The following BABAM2 variants were observed in gnomAD, a reference collection of about 807,000 sequenced individuals.
The protein encoded by BABAM2 is BRISC and BRCA1-A complex member 2.
BABAM2 carries 31 observed loss-of-function variants against 54.7 expected under a neutral mutation model. The ratio of observed to expected loss-of-function variants is 0.57; its 90% CI spans 0.43 to 0.77. BABAM2 has a LOEUF of 0.77. BABAM2 is among the 30% of genes least tolerant of loss of function. The probability of loss-of-function intolerance (pLI) is 0.00; values close to 1 mark genes in which losing one functional copy is unlikely to be tolerated. For synonymous variants in BABAM2, 167 were observed against 162.9 expected (o/e 1.03, Z -0.19); for missense variants, 364 against 455.8 (o/e 0.80, Z 1.83).
At chr2:28,249,107 A>G (rs1400406587) in intron 10 of BABAM2, among the ~76,000 whole-genome samples, 9 of 130,170 alleles carry the variant, frequency 6.9e-5, no homozygotes, top group African/African-American at 2.3e-4. Flanking sequence ...TTTTTTTTGG[A>G]AACAGCGTCT....
intron 10 of BABAM2, among the ~76,000 whole-genome samples, chr2:28,247,798 C>A (rs765626682): frequency 6.6e-6 from 1 of 152,182 alleles, no homozygotes; most frequent in African/African-American, 2.4e-5. Context: ...AAGAGGCACT[C>A]TTCTTGAGAC....
chr2:28,051,113 C>T (rs1372308631), intron 6 of BABAM2, among the ~76,000 whole-genome samples: 1 of 152,194 alleles, frequency 6.6e-6, no homozygotes, highest in Non-Finnish European at 1.5e-5. Flanking sequence ...TGCAGTGTTA[C>T]TGTTAGTCTC....
chr2:28,291,839 G>A (rs1160073348), intron 10 of BABAM2, among the ~76,000 whole-genome samples: 2 of 152,196 alleles, frequency 1.3e-5, no homozygotes, highest in Non-Finnish European at 2.9e-5. Context: ...TCCAGTGGTT[G>A]GAATCCACAT....
chr2:27,965,546 ACT>A (rs1475939476), intron 3 of BABAM2, among the ~76,000 whole-genome samples: 1 of 151,832 alleles, frequency 6.6e-6, no homozygotes, highest in African/African-American at 2.4e-5. Context: ...TAAGCTATGG[ACT>A]CTCTTTGTAA....
chr2:28,193,743 A>G (rs1480032978), intron 7 of BABAM2, among the ~76,000 whole-genome samples: 2 of 152,322 alleles, frequency 1.3e-5, no homozygotes, highest in African/African-American at 2.4e-5. Context: ...CACTATGGCC[A>G]TGATCCTTCA....
intron 8 of BABAM2, 83 bp from the exon 9 acceptor site, chr2:28,241,240 C>A: frequency 1.5e-6 from 2 of 1,344,046 alleles, no homozygotes; most frequent in East Asian, 2.4e-5. Context: ...ATTCTTTCTG[C>A]TTCTCTGAAT....
chr2:28,086,979 CGG>C (rs1558322504), intron 6 of BABAM2, among the ~76,000 whole-genome samples: 4 of 152,012 alleles, frequency 2.6e-5, no homozygotes, highest in Non-Finnish European at 4.4e-5. Flanking sequence ...ATTTTTGTTC[CGG>C]GAATGCAAAA....
At chr2:28,076,753 G>T (rs541361312) in intron 6 of BABAM2, among the ~76,000 whole-genome samples, 1 of 152,092 alleles carries the variant, frequency 6.6e-6, no homozygotes, top group South Asian at 2.1e-4. Flanking sequence ...TGATCCACCC[G>T]CTTCGGCCTC....
intron 10 of BABAM2, among the ~76,000 whole-genome samples, chr2:28,269,236 T>C (rs1366171121): frequency 6.6e-6 from 1 of 152,178 alleles, no homozygotes; most frequent in African/African-American, 2.4e-5. Flanking sequence ...AAATAGTCAA[T>C]CCAGAACACT....
At chr2:27,962,401 G>GACA (rs1670537246) in intron 3 of BABAM2, among the ~76,000 whole-genome samples, 1 of 152,084 alleles carries the variant, frequency 6.6e-6, no homozygotes, top group Admixed American at 6.6e-5. Flanking sequence ...GTGCCTGGTG[G>GACA]TTTTTCTTTA....
At chr2:28,159,682 C>G (rs1448115045) in intron 7 of BABAM2, among the ~76,000 whole-genome samples, 1 of 152,068 alleles carries the variant, frequency 6.6e-6, no homozygotes, top group Non-Finnish European at 1.5e-5. Flanking sequence ...GAGTTCGAGA[C>G]CAGCCTGGCC....
At chr2:28,073,106 C>G (rs533465428) in intron 6 of BABAM2, among the ~76,000 whole-genome samples, 7 of 152,324 alleles carry the variant, frequency 4.6e-5, no homozygotes, top group African/African-American at 1.7e-4. Context: ...CTTAAGCTCT[C>G]TAATCCTCCC....
At chr2:28,305,859 C>CT (rs1332762738) in intron 11 of BABAM2, among the ~76,000 whole-genome samples, 5 of 151,818 alleles carry the variant, frequency 3.3e-5, no homozygotes, top group Non-Finnish European at 7.4e-5. Context: ...ATCCTTTTTT[C>CT]TTTTTTAATA....
intron 10 of BABAM2, among the ~76,000 whole-genome samples, chr2:28,251,382 A>G (rs1252189150): frequency 6.6e-6 from 1 of 152,168 alleles, no homozygotes; most frequent in Non-Finnish European, 1.5e-5. Flanking sequence ...AATTTTAAGT[A>G]AAAATCAGAA....
intron 3 of BABAM2, among the ~76,000 whole-genome samples, chr2:27,957,686 A>G (rs1235863492): frequency 6.6e-6 from 1 of 152,204 alleles, no homozygotes; most frequent in Non-Finnish European, 1.5e-5. Context: ...AAAGATGGCC[A>G]CAACAGCATT....
rs549515372 is a variant in BABAM2, at chr2:28,231,785, CTTTTTTTTTTTTTTTTTTTTTTTTT to C, written c.681-5403_681-5379del. The stretch of plus-strand genomic sequence containing the variant: ...CATTCTAATGCTTTGAGAGAGATGT[CTTTTTTTTTTTTTTTTTTTTTTTTT>C]TTTTTTTTTTTTTAAGAGACAGAGT... On this transcript the variant is annotated intron_variant, in intron 7 of 11. Transcript: ENST00000379624. 2.9e-3 allele frequency among the ~76,000 whole-genome samples: 170 copies of C among 57,680 alleles called. 1 individual carries two copies. The highest frequency in any genetic ancestry group is 9.7e-3 in the African/African-American group (155 of 15,990). 37.8% of individuals were successfully genotyped at this position (57,680 alleles called of 152,430 possible).
At chr2:28,070,700 C>A (rs184721405) in intron 6 of BABAM2, among the ~76,000 whole-genome samples, 1 of 152,182 alleles carries the variant, frequency 6.6e-6, no homozygotes, top group African/African-American at 2.4e-5. Context: ...TCTTATCAAT[C>A]TTAACTTGTC....
At chr2:28,321,728 C>T (rs72857138) in intron 11 of BABAM2, among the ~76,000 whole-genome samples, 2,298 of 152,188 alleles carry the variant, frequency 0.015, 64 homozygotes, top group African/African-American at 0.052. Context: ...ACCCAGAAAT[C>T]ACTCTAGGGA....
rs189280643 is a variant in BABAM2 at position 28,261,157 on chromosome 2, G to T, written c.934+16295G>T. Among the ~76,000 whole-genome samples the T allele has an allele frequency of 5.8e-4, 88 of 151,768 alleles. 1 individual carries two copies. In the Middle Eastern group the frequency reaches 0.01, roughly 18 times the overall value. Reference sequence around the variant, plus strand: ...GGGTTTCACCATAATGGTCAGACTGGTCTCAAACTCCTGACCTCAAGTGAT... The same window carrying T: ...GGGTTTCACCATAATGGTCAGACTGTTCTCAAACTCCTGACCTCAAGTGAT... On this transcript the variant is annotated intron_variant, in intron 10 of 11. Coordinates refer to ENST00000379624, the MANE Select transcript of BABAM2 (RefSeq NM_199191.3).
Sources: gnomAD v4.1 joint callset for allele counts (sites outside exome capture counted in the v4.1 genomes callset) on GRCh38, gnomAD v4.1.1 for gene constraint, MANE v1.5 for transcripts, NCBI Gene and HGNC (gene_info 2026-07-23, HGNC 2026-07-21) for gene names.